The following DCC variants were observed in gnomAD, a reference collection of about 807,000 sequenced individuals.
DCC encodes netrin receptor DCC.
Under a neutral mutation model 172.5 loss-of-function variants are expected in DCC, and 58 were observed. The observed-to-expected ratio is 0.34, with a 90% confidence interval of 0.27 to 0.42. DCC has a LOEUF of 0.42. Among genes scored for constraint, DCC ranks in the 10% least tolerant of loss-of-function variants. DCC has a pLI of 1.00. For synonymous variants in DCC, 709 were observed against 644.5 expected (o/e 1.10, Z -1.52); for missense variants, 1,740 against 1,791.0 (o/e 0.97, Z 0.51).
At chr18:52,873,787 T>A (rs543203283) in intron 2 of DCC, among the ~76,000 whole-genome samples, 1 of 152,230 alleles carries the variant, frequency 6.6e-6, no homozygotes, top group South Asian at 2.1e-4. Flanking sequence ...ATGAATGATA[T>A]GAGTATAGAT....
intron 1 of DCC, among the ~76,000 whole-genome samples, chr18:52,437,583 A>G (rs1358148258): frequency 6.6e-6 from 1 of 152,234 alleles, no homozygotes; most frequent in Non-Finnish European, 1.5e-5. Context: ...TTCTGCAGAT[A>G]GGATTGTACA....
intron 1 of DCC, among the ~76,000 whole-genome samples, chr18:52,651,809 A>C (rs2035136950): frequency 6.6e-6 from 1 of 152,156 alleles, no homozygotes; most frequent in African/African-American, 2.4e-5. Context: ...GACTTTAAGG[A>C]GCAATATATA....
intron 2 of DCC, among the ~76,000 whole-genome samples, chr18:52,862,415 T>A (rs765849964): frequency 1.3e-5 from 2 of 151,700 alleles, no homozygotes; most frequent in East Asian, 3.9e-4. Context: ...TAAAAAAAAA[T>A]ATTCCGGCCG....
intron 1 of DCC, among the ~76,000 whole-genome samples, chr18:52,413,741 A>G (rs1986920447): frequency 6.6e-6 from 1 of 152,184 alleles, no homozygotes; most frequent in South Asian, 2.1e-4. Flanking sequence ...AGTATCGAAG[A>G]CAGACACACT....
chr18:52,994,071 T>A (rs779116084), intron 5 of DCC, among the ~76,000 whole-genome samples: 5 of 152,088 alleles, frequency 3.3e-5, no homozygotes, highest in Non-Finnish European at 5.9e-5. Flanking sequence ...TCAACTTAGG[T>A]AAGAGTAGCC....
intron 5 of DCC, among the ~76,000 whole-genome samples, chr18:53,008,281 A>G (rs1377173507): frequency 6.6e-6 from 1 of 152,024 alleles, no homozygotes; most frequent in East Asian, 1.9e-4. Context: ...CTTGTGGACC[A>G]TTTTTACCAT....
At chr18:53,088,578 A>G (rs1241480570) in intron 7 of DCC, among the ~76,000 whole-genome samples, 1 of 152,212 alleles carries the variant, frequency 6.6e-6, no homozygotes, top group Non-Finnish European at 1.5e-5. Flanking sequence ...AGCAGAACTG[A>G]AGGAAATAGA....
chr18:52,497,278 A>T (rs375404217), intron 1 of DCC, among the ~76,000 whole-genome samples: 988 of 60,930 alleles, frequency 0.016, 101 homozygotes, highest in African/African-American at 0.041. Context: ...AAAAAAAAAA[A>T]AAATATATAT....
intron 12 of DCC, among the ~76,000 whole-genome samples, chr18:53,295,187 C>G (rs967116868): frequency 2.0e-5 from 3 of 152,030 alleles, no homozygotes; most frequent in Non-Finnish European, 4.4e-5. Context: ...TAACAGTTGT[C>G]TACATGAAAT....
At chr18:53,507,892 C>CTTTT (rs780896758) in intron 27 of DCC, among the ~76,000 whole-genome samples, 1 of 130,992 alleles carries the variant, frequency 7.6e-6, no homozygotes, top group African/African-American at 3.1e-5. Context: ...ACAGATACCA[C>CTTTT]TTTTTTTTTT....
intron 15 of DCC, among the ~76,000 whole-genome samples, chr18:53,384,806 T>C (rs1908020653): frequency 6.6e-6 from 1 of 151,740 alleles, no homozygotes; most frequent in South Asian, 2.1e-4. Flanking sequence ...TCCTATTTTA[T>C]TTTTTCTTGT....
intron 7 of DCC, among the ~76,000 whole-genome samples, chr18:53,099,930 C>CTTTCT (rs1568304400): frequency 1.1e-5 from 1 of 89,710 alleles, no homozygotes. Context: ...CTTTTCTTTT[C>CTTTCT]TTTTCTTTCT....
At chr18:52,397,448 C>T (rs1361603532) in intron 1 of DCC, among the ~76,000 whole-genome samples, 1 of 152,016 alleles carries the variant, frequency 6.6e-6, no homozygotes, top group Admixed American at 6.6e-5. Flanking sequence ...CAGATAATTC[C>T]ACCCTCATTG....
At chr18:52,772,251 A>G (rs2037357072) in intron 2 of DCC, among the ~76,000 whole-genome samples, 1 of 152,188 alleles carries the variant, frequency 6.6e-6, no homozygotes, top group Admixed American at 6.5e-5. Flanking sequence ...TATTCTTTTA[A>G]GACTAGACCA....
At chr18:53,527,492 T>C (rs1031422961) in intron 28 of DCC, among the ~76,000 whole-genome samples, 1 of 151,756 alleles carries the variant, frequency 6.6e-6, no homozygotes, top group Admixed American at 6.6e-5. Context: ...ATACCAGAAA[T>C]ATAGATTTGT....
chr18:53,135,309 T>A (rs1364437571), intron 7 of DCC, among the ~76,000 whole-genome samples: 1 of 152,066 alleles, frequency 6.6e-6, no homozygotes, highest in Non-Finnish European at 1.5e-5. Flanking sequence ...GGAGGTGGGA[T>A]CAGGATGAAA....
intron 9 of DCC, among the ~76,000 whole-genome samples, chr18:53,198,398 A>G (rs1263796124): frequency 6.6e-6 from 1 of 151,932 alleles, no homozygotes; most frequent in Non-Finnish European, 1.5e-5. Flanking sequence ...CCTGTCATCT[A>G]TAATTAATCA....
chr18:52,845,750 G>A (rs1568141337), intron 2 of DCC, among the ~76,000 whole-genome samples: 1 of 152,334 alleles, frequency 6.6e-6, no homozygotes, highest in East Asian at 1.9e-4. Flanking sequence ...TTTGAGTAAA[G>A]ATCAAGTCAT....
intron 1 of DCC, among the ~76,000 whole-genome samples, chr18:52,543,401 C>T (rs1318871771): frequency 1.3e-5 from 2 of 152,136 alleles, no homozygotes; most frequent in Non-Finnish European, 2.9e-5. Context: ...TTTGGGCTAG[C>T]AACATTTCCT....
Sources: allele counts gnomAD v4.1 joint callset (sites outside exome capture counted in the v4.1 genomes callset), GRCh38; gene constraint gnomAD v4.1.1; transcripts MANE v1.5; gene names NCBI Gene and HGNC (gene_info 2026-07-23, HGNC 2026-07-21).